Variants in MCTP1 observed in about 807,000 individuals in gnomAD.
The protein encoded by MCTP1 is multiple C2 and transmembrane domain-containing protein 1.
In MCTP1, 69 loss-of-function variants were observed where a neutral mutation model predicts 120.6. The observed-to-expected ratio is 0.57, with a 90% CI of 0.47 to 0.70. MCTP1 has a LOEUF of 0.70. MCTP1 is among the 30% of genes least tolerant of loss of function. MCTP1 has a pLI of 0.00. For missense variants in MCTP1, 1,203 were observed against 1,248.8 expected, an observed-to-expected ratio of 0.96 and a Z score of 0.55; for synonymous variants, 529 against 493.1, an observed-to-expected ratio of 1.07 and a Z score of -0.96.
intron 12 of MCTP1, among the ~76,000 whole-genome samples, chr5:94,884,308 T>C (rs889601161): frequency 6.6e-6 from 1 of 152,224 alleles, no homozygotes; most frequent in African/African-American, 2.4e-5. Context: ...CAATTAATTG[T>C]ACAGAGGTAG....
intron 10 of MCTP1, 93 bp downstream of exon 10, chr5:94,909,158 A>G: frequency 7.1e-7 from 1 of 1,414,098 alleles, no homozygotes; most frequent in South Asian, 1.3e-5. Context: ...TCTTCAAAAC[A>G]GTAAAGATCA....
intron 1 of MCTP1, among the ~76,000 whole-genome samples, chr5:95,165,599 T>C (rs1349896261): frequency 1.3e-5 from 2 of 152,182 alleles, no homozygotes; most frequent in Non-Finnish European, 2.9e-5. Flanking sequence ...TCAGAGGATA[T>C]AGCTGTCTGC....
intron 6 of MCTP1, among the ~76,000 whole-genome samples, chr5:94,927,693 C>T (rs1813515605): frequency 1.3e-5 from 2 of 152,050 alleles, no homozygotes. Context: ...ATCTGTTTCT[C>T]CACCGTTAGT....
In MCTP1 at chr5:95,284,609, T is replaced by C; in HGVS notation, c.-34A>G. 7.4e-7 allele frequency: 1 copy of C among 1,346,244 alleles called. No homozygotes were observed. Among genetic ancestry groups the C allele is most frequent in the Non-Finnish European group, 9.6e-7 (1 of 1,041,338 alleles). 83.4% of individuals were successfully genotyped at this position (1,346,244 alleles called of 1,614,324 possible). On this transcript the variant is annotated 5_prime_UTR_variant, in exon 1 of 23. Transcript: ENST00000515393. This position sits in a 1 kb window ranked among gnomAD's most constrained non-coding sequence, Gnocchi z 5.2. Reference sequence around the variant, plus strand: ...CCCTGCTCCTCCTCTCCCCTCCTCCTCCTCCTCCTCCTCCTGCTTCTCCTC... The same window carrying C: ...CCCTGCTCCTCCTCTCCCCTCCTCCCCCTCCTCCTCCTCCTGCTTCTCCTC...
At chr5:95,256,042 A>T (rs1402700405) in intron 1 of MCTP1, among the ~76,000 whole-genome samples, 1 of 152,200 alleles carries the variant, frequency 6.6e-6, no homozygotes, top group Non-Finnish European at 1.5e-5. Flanking sequence ...GTTGGTAAAA[A>T]TCCACACCAA....
chr5:94,946,464 A>C (rs570482515), intron 3 of MCTP1, among the ~76,000 whole-genome samples: 1 of 152,166 alleles, frequency 6.6e-6, no homozygotes, highest in East Asian at 1.9e-4. Flanking sequence ...AAAGAGAAAA[A>C]TTGGGAGCCC....
In MCTP1 at chr5:94,853,152, GA is replaced by G. The variant is rs35784950; in HGVS notation, c.2436+15180del. ...GATTTTTAAACCACATTACTTTTGGGAAAAAAAAATTGTTATAAAGGTGAAC... is the reference window on the plus strand; with the variant it reads ...GATTTTTAAACCACATTACTTTTGGGAAAAAAAATTGTTATAAAGGTGAAC... On this transcript the variant is annotated intron_variant, in intron 17 of 22. Transcript: ENST00000515393. Among the ~76,000 whole-genome samples the G allele has an allele frequency of 4.2e-4, 64 of 151,300 alleles. 1 individual carries two copies. Among genetic ancestry groups the G allele is most frequent in the African/African-American group, 1.1e-3 (45 of 41,304 alleles).
At chr5:94,950,997 G>A (rs1419389815) in intron 3 of MCTP1, among the ~76,000 whole-genome samples, 4 of 151,508 alleles carry the variant, frequency 2.6e-5, no homozygotes, top group Admixed American at 1.3e-4. Flanking sequence ...TACAAGTACA[G>A]TTGTGTTACA....
At chr5:95,254,157 C>G (rs1757651913) in intron 1 of MCTP1, among the ~76,000 whole-genome samples, 1 of 152,114 alleles carries the variant, frequency 6.6e-6, no homozygotes. Context: ...TGGAATTTTT[C>G]ACTGACAATG....
At chr5:94,831,568 C>T (rs1173771134) in intron 17 of MCTP1, among the ~76,000 whole-genome samples, 1 of 152,192 alleles carries the variant, frequency 6.6e-6, no homozygotes, top group African/African-American at 2.4e-5. Flanking sequence ...TTTCTTCTTA[C>T]AGCTGATAGA....
In MCTP1 at chr5:95,061,432, T is replaced by G. The variant is rs1426778661; in HGVS notation, c.721-43948A>C. Among the ~76,000 whole-genome samples, 135 of 64,832 alleles carry G rather than the reference T, an allele frequency of 2.1e-3. 4 individuals are homozygous for G. Among genetic ancestry groups the G allele is most frequent in the African/African-American group, 4.0e-3 (68 of 17,184 alleles). 42.5% of individuals were successfully genotyped at this position (64,832 alleles called of 152,430 possible). ...GGTTTTTTTTTTTTTTTTTTTTTTT[T>G]TTTTTTTTTTTTTTTTTTTTTGAGA... On this transcript the variant is annotated intron_variant, in intron 1 of 22. Transcript: ENST00000515393.
intron 1 of MCTP1, among the ~76,000 whole-genome samples, chr5:95,029,630 C>T (rs980524361): frequency 5.7e-5 from 3 of 52,966 alleles, no homozygotes; most frequent in African/African-American, 1.1e-4. Context: ...GGTGAGAGCA[C>T]TTCTCTCTCC....
chr5:95,139,801 G>A (rs1166244725), intron 1 of MCTP1, among the ~76,000 whole-genome samples: 1 of 152,120 alleles, frequency 6.6e-6, no homozygotes. Flanking sequence ...CTTAATTTTT[G>A]TCTTATTATC....
chr5:95,273,449 A>G (rs576223112), intron 1 of MCTP1, among the ~76,000 whole-genome samples: 1 of 152,136 alleles, frequency 6.6e-6, no homozygotes, highest in East Asian at 1.9e-4. Flanking sequence ...TTGGATCCCA[A>G]CCTCCTTCAT....
intron 2 of MCTP1, among the ~76,000 whole-genome samples, chr5:94,955,622 T>C (rs1484347797): frequency 6.6e-6 from 1 of 152,082 alleles, no homozygotes; most frequent in Non-Finnish European, 1.5e-5. Flanking sequence ...TAGGCAGTTT[T>C]CCCCTCACAG....
At chr5:95,282,335 T>C (rs1470355380) in intron 1 of MCTP1, among the ~76,000 whole-genome samples, 1 of 152,228 alleles carries the variant, frequency 6.6e-6, no homozygotes, top group African/African-American at 2.4e-5. Flanking sequence ...TGTGATTTAA[T>C]AAGTTAACAT....
intron 11 of MCTP1, among the ~76,000 whole-genome samples, chr5:94,892,382 G>A (rs1176186064): frequency 6.6e-6 from 1 of 152,112 alleles, no homozygotes; most frequent in East Asian, 1.9e-4. Context: ...TAGCTCCTCT[G>A]GTTTTTAAAC....
At chr5:95,174,836 A>G (rs1747774578) in intron 1 of MCTP1, among the ~76,000 whole-genome samples, 1 of 152,216 alleles carries the variant, frequency 6.6e-6, no homozygotes, top group Non-Finnish European at 1.5e-5. Context: ...AAGCAATAGG[A>G]TATTTATGAA....
chr5:95,021,811 T>C (rs1484584831), intron 1 of MCTP1, among the ~76,000 whole-genome samples: 1 of 152,142 alleles, frequency 6.6e-6, no homozygotes, highest in Non-Finnish European at 1.5e-5. Flanking sequence ...CTGTGAAAAA[T>C]GGTGAAAACA....
Sources: allele counts gnomAD v4.1 joint callset (sites outside exome capture counted in the v4.1 genomes callset), GRCh38; gene constraint gnomAD v4.1.1; non-coding constraint Gnocchi (gnomAD v3.1); transcripts MANE v1.5; gene names NCBI Gene and HGNC (gene_info 2026-07-23, HGNC 2026-07-21).